Variants in ZBTB20 observed in about 807,000 individuals in gnomAD.
The protein encoded by ZBTB20 is zinc finger and BTB domain containing 20, also known as zinc finger and BTB domain-containing protein 20.
A neutral mutation model predicts 56.9 loss-of-function variants in ZBTB20; 9 were observed. That is an observed-to-expected ratio of 0.16 (90% confidence interval 0.10 to 0.28). The LOEUF (loss-of-function observed/expected upper bound fraction) is 0.28, where lower values mean the gene tolerates loss of function less well. ZBTB20 is among the 10% of genes least tolerant of loss of function. The probability of loss-of-function intolerance (pLI) is 1.00; values close to 1 mark genes in which losing one functional copy is unlikely to be tolerated. For missense variants in ZBTB20, 655 were observed against 1,003.0 expected (o/e 0.65, Z 4.69); for synonymous variants, 417 against 420.7 (o/e 0.99, Z 0.11).
chr3:114,430,468 G>T (rs1448371118), intron 7 of ZBTB20, among the ~76,000 whole-genome samples: 1 of 152,176 alleles, frequency 6.6e-6, no homozygotes, highest in East Asian at 1.9e-4. Flanking sequence ...AACAATGAAT[G>T]CCACTGGCAG....
chr3:114,990,440 T>C (rs1347673193), intron 2 of ZBTB20, among the ~76,000 whole-genome samples: 14 of 152,238 alleles, frequency 9.2e-5, no homozygotes, highest in South Asian at 2.1e-4. Context: ...GCCTTGCATC[T>C]CAGGGATGAA....
intron 2 of ZBTB20, among the ~76,000 whole-genome samples, chr3:114,999,185 G>T (rs542666329): frequency 2.1e-3 from 303 of 146,606 alleles, no homozygotes; most frequent in Middle Eastern, 3.5e-3. Flanking sequence ...GGAAAGGAAA[G>T]GAGGAAGGAA....
intron 10 of ZBTB20, among the ~76,000 whole-genome samples, chr3:114,368,048 CA>C (rs2082604143): frequency 6.6e-6 from 1 of 152,156 alleles, no homozygotes; most frequent in Admixed American, 6.5e-5. Context: ...AATTTTCAAG[CA>C]CTTAAAACTG....
intron 6 of ZBTB20, among the ~76,000 whole-genome samples, chr3:114,648,330 C>T (rs947130022): frequency 5.9e-5 from 9 of 151,812 alleles, no homozygotes; most frequent in African/African-American, 2.2e-4. Context: ...TTTTGCTAAG[C>T]ATTTTATATA....
intron 2 of ZBTB20, among the ~76,000 whole-genome samples, chr3:114,975,654 C>T (rs1344646780): frequency 1.3e-5 from 2 of 151,892 alleles, no homozygotes; most frequent in Non-Finnish European, 2.9e-5. Context: ...AGGAGGGATG[C>T]TAAAAGTTAG....
chr3:114,553,929 A>G (rs1443569481), intron 6 of ZBTB20, among the ~76,000 whole-genome samples: 1 of 152,142 alleles, frequency 6.6e-6, no homozygotes, highest in Non-Finnish European at 1.5e-5. Flanking sequence ...TCCTACATAA[A>G]GGTTTGCATC....
intron 7 of ZBTB20, among the ~76,000 whole-genome samples, chr3:114,456,773 A>G (rs963357794): frequency 6.6e-6 from 1 of 152,216 alleles, no homozygotes; most frequent in Non-Finnish European, 1.5e-5. Flanking sequence ...CAGTGCCATC[A>G]GATGTTACTG....
chr3:114,789,003 C>T (rs2070755624), intron 5 of ZBTB20, among the ~76,000 whole-genome samples: 1 of 152,168 alleles, frequency 6.6e-6, no homozygotes, highest in Non-Finnish European at 1.5e-5. Flanking sequence ...GTACCTCCCA[C>T]TGGGTGCCTC....
intron 2 of ZBTB20, among the ~76,000 whole-genome samples, chr3:114,977,727 T>C (rs1232865789): frequency 1.3e-5 from 2 of 152,070 alleles, no homozygotes; most frequent in African/African-American, 4.8e-5. Flanking sequence ...AACTCCAATG[T>C]GGGAAGGACT....
chr3:114,888,229 G>A (rs1242294463), intron 4 of ZBTB20, among the ~76,000 whole-genome samples: 1 of 151,908 alleles, frequency 6.6e-6, no homozygotes, highest in Non-Finnish European at 1.5e-5. Context: ...ACCAGCATGG[G>A]CAACATAGTG....
chr3:114,844,520 CAAAAAAAAAAAAAA>C (rs71146342), intron 4 of ZBTB20, among the ~76,000 whole-genome samples: 17 of 22,810 alleles, frequency 7.5e-4, no homozygotes, highest in East Asian at 4.7e-3. Context: ...GTCCCTGTCT[CAAAAAAAAAAAAAA>C]AAAAAAAAAA....
intron 7 of ZBTB20, among the ~76,000 whole-genome samples, chr3:114,479,562 T>C (rs949209651): frequency 7.2e-5 from 11 of 152,222 alleles, no homozygotes; most frequent in African/African-American, 2.4e-5. Flanking sequence ...TGTATTTCCA[T>C]ATTTGTATTG....
At chr3:115,065,149 T>G (rs1435732470) in intron 2 of ZBTB20, among the ~76,000 whole-genome samples, 1 of 152,174 alleles carries the variant, frequency 6.6e-6, no homozygotes, top group Non-Finnish European at 1.5e-5. Context: ...GACTTTTTTT[T>G]GCTCTATTTT....
intron 6 of ZBTB20, among the ~76,000 whole-genome samples, chr3:114,637,947 T>C (rs2059363690): frequency 6.6e-6 from 1 of 152,044 alleles, no homozygotes; most frequent in Admixed American, 6.6e-5. Context: ...CCCCCCACTA[T>C]TACAGTGGAA....
At chr3:115,051,490 G>A (rs1318877971) in intron 2 of ZBTB20, among the ~76,000 whole-genome samples, 1 of 151,978 alleles carries the variant, frequency 6.6e-6, no homozygotes, top group African/African-American at 2.4e-5. Context: ...ATATTAAGAG[G>A]TTCTTTTTTA....
chr3:114,550,545 G>A (rs1308544580), intron 6 of ZBTB20, among the ~76,000 whole-genome samples: 2 of 152,142 alleles, frequency 1.3e-5, no homozygotes, highest in African/African-American at 2.4e-5. Context: ...CTTGAAGATG[G>A]CAAGTTAATA....
intron 10 of ZBTB20, among the ~76,000 whole-genome samples, chr3:114,360,335 C>T (rs2081690451): frequency 7.8e-6 from 1 of 127,470 alleles, no homozygotes; most frequent in Non-Finnish European, 1.6e-5. Context: ...GAGGGGAATG[C>T]AAGATTTTCT....
chr3:114,368,878 A>G (rs939715979), intron 10 of ZBTB20, among the ~76,000 whole-genome samples: 2 of 152,212 alleles, frequency 1.3e-5, no homozygotes, highest in East Asian at 3.9e-4. Flanking sequence ...CAGGAAGAAA[A>G]TGGAATGGGC....
chr3:114,566,920 G>A (rs2052828517), intron 6 of ZBTB20, among the ~76,000 whole-genome samples: 1 of 152,210 alleles, frequency 6.6e-6, no homozygotes, highest in Non-Finnish European at 1.5e-5. Flanking sequence ...TTAGTGCTGA[G>A]AACAGATGTA....
Sources: allele counts gnomAD v4.1 joint callset (sites outside exome capture counted in the v4.1 genomes callset), GRCh38; gene constraint gnomAD v4.1.1; transcripts MANE v1.5; gene names NCBI Gene and HGNC (gene_info 2026-07-23, HGNC 2026-07-21).